The following NALCN variants were observed in gnomAD, a reference collection of about 807,000 sequenced individuals.
The protein encoded by NALCN is sodium leak channel, non-selective, also known as sodium leak channel NALCN.
Under a neutral mutation model 225.3 loss-of-function variants are expected in NALCN, and 111 were observed. The ratio of observed to expected loss-of-function variants is 0.49; its 90% CI spans 0.42 to 0.58. The LOEUF (loss-of-function observed/expected upper bound fraction) is 0.58. Among genes scored for constraint, NALCN ranks in the 20% least tolerant of loss-of-function variants. The probability of loss-of-function intolerance (pLI) is 0.00; values close to 1 mark genes in which losing one functional copy is unlikely to be tolerated. For missense variants in NALCN, 1,378 were observed against 2,202.4 expected (o/e 0.63, Z 7.49); for synonymous variants, 764 against 769.0 (o/e 0.99, Z 0.11).
At chr13:101,317,478 T>A (rs2044591823) in intron 7 of NALCN, among the ~76,000 whole-genome samples, 1 of 152,214 alleles carries the variant, frequency 6.6e-6, no homozygotes, top group Non-Finnish European at 1.5e-5. Context: ...CTCGTAAGCA[T>A]CATTGGTTTA....
At position 101,395,268 on chromosome 13, in the gene NALCN, T is replaced by C. The variant is rs74707055; in HGVS notation, c.206A>G (p.Tyr69Cys). The C allele has an allele frequency of 9.3e-6, 15 of 1,613,972 alleles. 1 individual carries two copies. Among genetic ancestry groups the C allele is most frequent in the Non-Finnish European group, 1.1e-5 (13 of 1,179,962 alleles). ...TAATGTATCCAAAGTGAAGGTCACA[T>C]ACTGAAGTGGAGGATAGTGCTCGAA... ...MTFEHYPPLQYVTFTLDTLLM... is the reference protein window; with the variant it reads ...MTFEHYPPLQCVTFTLDTLLM... Residue 69 changes from tyrosine to cysteine, a missense_variant, in exon 3 of 44, where the codon TAT becomes TGT. Coordinates refer to ENST00000251127, the MANE Select transcript of NALCN (RefSeq NM_052867.4).
chr13:101,293,453 G>T (rs1291610905), intron 7 of NALCN, among the ~76,000 whole-genome samples: 3 of 152,168 alleles, frequency 2.0e-5, no homozygotes, highest in Admixed American at 2.0e-4. Flanking sequence ...ATAAATATAA[G>T]TTGTTATTCA....
chr13:101,106,212 A>G (rs2035090295), intron 22 of NALCN, among the ~76,000 whole-genome samples: 1 of 152,054 alleles, frequency 6.6e-6, no homozygotes, highest in South Asian at 2.1e-4. Flanking sequence ...AAGGAAACCA[A>G]TCATATTAGA....
At chr13:101,059,761 A>G in intron 42 of NALCN, 57 bp downstream of exon 42, 1 of 1,517,246 alleles carries the variant, frequency 6.6e-7, no homozygotes, top group Non-Finnish European at 9.0e-7. Flanking sequence ...ATTTATTTTT[A>G]TTAAAAGAAA....
At chr13:101,180,568 A>T (rs916074342) in intron 14 of NALCN, 1 of 162,648 alleles carries the variant, frequency 6.1e-6, no homozygotes, top group African/African-American at 2.4e-5. Flanking sequence ...CAACTCAGGG[A>T]AACTCAGAAA....
intron 7 of NALCN, among the ~76,000 whole-genome samples, chr13:101,343,855 T>C (rs1482101246): frequency 6.6e-6 from 1 of 152,154 alleles, no homozygotes; most frequent in African/African-American, 2.4e-5. Flanking sequence ...CATTTTGAAT[T>C]TGGGTACAAT....
intron 33 of NALCN, 29 bp from the exon 34 acceptor site, chr13:101,081,675 CA>C: frequency 6.2e-7 from 1 of 1,613,038 alleles, no homozygotes; most frequent in Non-Finnish European, 8.5e-7. Context: ...AGAAAATAAA[CA>C]GAGAGAGTGT....
chr13:101,275,793 G>A (rs1332923392), intron 10 of NALCN, among the ~76,000 whole-genome samples: 1 of 152,040 alleles, frequency 6.6e-6, no homozygotes, highest in African/African-American at 2.4e-5. Context: ...TTTTCACCAC[G>A]AGTCATCTTG....
intron 1 of NALCN, among the ~76,000 whole-genome samples, chr13:101,413,883 CT>C (rs2047857344): frequency 6.6e-6 from 1 of 152,030 alleles, no homozygotes; most frequent in African/African-American, 2.4e-5. Flanking sequence ...CAGGGGCATT[CT>C]TTTTTTATTT....
At chr13:101,263,206 C>T (rs2042489014) in intron 10 of NALCN, among the ~76,000 whole-genome samples, 4 of 152,122 alleles carry the variant, frequency 2.6e-5, no homozygotes, top group Admixed American at 2.6e-4. Flanking sequence ...TTCCCTTTGA[C>T]TTTATTTTAC....
chr13:101,365,483 A>G (rs530565666), intron 6 of NALCN, among the ~76,000 whole-genome samples: 1 of 152,294 alleles, frequency 6.6e-6, no homozygotes, highest in Non-Finnish European at 1.5e-5. Flanking sequence ...CCTAAAGAAT[A>G]CGTGACAAAT....
At chr13:101,237,730 G>A in intron 12 of NALCN, 25 bp downstream of exon 12, 1 of 1,497,858 alleles carries the variant, frequency 6.7e-7, no homozygotes, top group Non-Finnish European at 8.9e-7. Flanking sequence ...AATTTCTAAA[G>A]ACAAATAGGC....
intron 10 of NALCN, among the ~76,000 whole-genome samples, chr13:101,259,556 G>A (rs1359847412): frequency 6.0e-5 from 9 of 151,208 alleles, no homozygotes; most frequent in Admixed American, 3.3e-4. Context: ...GGATGGTCTC[G>A]ATCTTCTGAC....
intron 26 of NALCN, among the ~76,000 whole-genome samples, chr13:101,101,286 T>C (rs1360803411): frequency 7.1e-6 from 1 of 141,398 alleles, no homozygotes; most frequent in African/African-American, 2.6e-5. Flanking sequence ...TTTTTCTTTT[T>C]TTTTTTTTTT....
chr13:101,236,179 C>A (rs1182763713), intron 12 of NALCN, among the ~76,000 whole-genome samples: 1 of 152,144 alleles, frequency 6.6e-6, no homozygotes, highest in African/African-American at 2.4e-5. Flanking sequence ...CCATCACTGG[C>A]CATCAGAGAA....
chr13:101,327,303 G>A (rs2044993896), intron 7 of NALCN, among the ~76,000 whole-genome samples: 1 of 151,942 alleles, frequency 6.6e-6, no homozygotes, highest in Admixed American at 6.6e-5. Context: ...ATAGTTTATT[G>A]TATTTTTATT....
chr13:101,307,753 T>C (rs534440343), intron 7 of NALCN, among the ~76,000 whole-genome samples: 70 of 152,260 alleles, frequency 4.6e-4, no homozygotes, highest in African/African-American at 1.6e-3. Context: ...TTTGCTTGGG[T>C]TGAGGAGAAC....
Position 101,162,850 on chromosome 13 carries a change from G to A in NALCN, c.1839+13450C>T, listed in dbSNP as rs1037592696. Among the ~76,000 whole-genome samples the A allele has an allele frequency of 2.6e-5, 4 of 152,180 alleles. No homozygotes were observed. The East Asian group carries it at 7.7e-4, about 29-fold the overall frequency. ...TGGGTGGTGTTCAGTTGGAGTTGAA[G>A]TGTGAGCTTCTCTCCTGTTTGGGCA... On this transcript the variant is annotated intron_variant, in intron 15 of 43. Transcript: ENST00000251127.
At chr13:101,164,291 T>A (rs1405627192) in intron 15 of NALCN, among the ~76,000 whole-genome samples, 1 of 152,056 alleles carries the variant, frequency 6.6e-6, no homozygotes, top group Non-Finnish European at 1.5e-5. Flanking sequence ...TCTATCTTTA[T>A]CTTTCTTGGG....
Sources: gnomAD v4.1 joint callset for allele counts (sites outside exome capture counted in the v4.1 genomes callset) on GRCh38, gnomAD v4.1.1 for gene constraint, MANE v1.5 for transcripts, NCBI Gene and HGNC (gene_info 2026-07-23, HGNC 2026-07-21) for gene names.